RIIAD1: variants seen among roughly 807,000 people sequenced by gnomAD.
RIIAD1 encodes the protein RIIa domain-containing protein 1.
Under a neutral mutation model 13.3 loss-of-function variants are expected in RIIAD1, and 15 were observed. The observed-to-expected ratio is 1.13, with a 90% CI of 0.76 to 1.74. The LOEUF is 1.74. Among genes scored for constraint, RIIAD1 ranks in the 40% most tolerant of loss-of-function variants. The pLI, the probability that RIIAD1 is intolerant of heterozygous loss-of-function variation, is 0.00. For synonymous variants in RIIAD1, 50 were observed against 43.3 expected, an observed-to-expected ratio of 1.16 and a Z score of -0.61; for missense variants, 121 against 112.2, an observed-to-expected ratio of 1.08 and a Z score of -0.35.
intron 2 of RIIAD1, among the ~76,000 whole-genome samples, chr1:151,712,396 G>A (rs1673100334): frequency 6.6e-6 from 1 of 152,202 alleles, no homozygotes; most frequent in African/African-American, 2.4e-5. Context: ...ACAGCCTGGG[G>A]TCCTGCCACT....
At chr1:151,723,017 T>C (rs1256221710) in intron 2 of RIIAD1, among the ~76,000 whole-genome samples, 2 of 152,240 alleles carry the variant, frequency 1.3e-5, no homozygotes, top group African/African-American at 4.8e-5. Flanking sequence ...GTTTTCCCAC[T>C]GTATTGTGCT....
At chr1:151,715,717 G>A (rs1160313022) in intron 4 of RIIAD1, 3 of 1,565,360 alleles carry the variant, frequency 1.9e-6, no homozygotes, top group South Asian at 2.3e-5. Context: ...GATCACTCTA[G>A]CTGAGTTCTT....
chr1:151,724,084 G>C (rs1673786427), intron 2 of RIIAD1, among the ~76,000 whole-genome samples: 1 of 152,232 alleles, frequency 6.6e-6, no homozygotes, highest in Non-Finnish European at 1.5e-5. Context: ...TGATGAATAA[G>C]AATGAGTTGT....
intron 1 of RIIAD1, 39 bp from the exon 2 acceptor site, chr1:151,722,047 G>C (rs1413866481): frequency 7.1e-7 from 1 of 1,411,640 alleles, no homozygotes; most frequent in African/African-American, 1.4e-5. Context: ...CCCTGAATCT[G>C]TCTCCTAATG....
At position 151,728,771 on chromosome 1, in the gene RIIAD1, T is replaced by C. The variant is rs1324679238; in HGVS notation, c.214T>C (p.Phe72Leu). 6.5e-7 allele frequency: 1 copy of C among 1,532,018 alleles called. No individual in the cohort carries two copies. The highest frequency in any genetic ancestry group is 2.5e-5 in the East Asian group (1 of 40,816). The allele number at this position is 1,532,018 out of a possible 1,614,324, so 94.9% of individuals were successfully genotyped here. A position where few individuals can be genotyped will look rare whatever the true frequency, so the allele number is the denominator to read the frequency against. The change falls in exon 4 of 5, where the codon TTC becomes CTC. Residue 72 changes from phenylalanine (F) to leucine (L), a missense_variant. By Grantham distance (22) the Phe-to-Leu change is conservative. Coordinates refer to ENST00000479191, the MANE Select transcript of RIIAD1 (RefSeq NM_001144956.3). ...DNILEFAADY[F>L]TDPRLPNKIH... The stretch of plus-strand genomic sequence containing the variant: ...CTTTTTGATTTTTATCCCAGACTAC[T>C]TCACGGATCCAAGACTTCCCAACAA...
At position 151,727,598 on chromosome 1, in the gene RIIAD1, A is replaced by G; in HGVS notation, c.185A>G (p.Asp62Gly). ...AGAGAAATATTTTTGAAAAGACCAG[A>G]CAACATCCTAGAATTTGCTGCAGGT... ...FFREIFLKRP[D>G]NILEFAADYF... Residue 62 changes from aspartate (D) to glycine (G), a missense_variant, in exon 3 of 5, where the codon GAC (aspartate) becomes GGC (glycine). By Grantham distance (94) the Asp-to-Gly change is moderately conservative. Coordinates refer to ENST00000479191, the MANE Select transcript of RIIAD1 (RefSeq NM_001144956.3). 1.9e-6 allele frequency: 3 copies of G among 1,550,582 alleles called. No individual in the cohort carries two copies. Among genetic ancestry groups the G allele is most frequent in the Non-Finnish European group, 2.6e-6 (3 of 1,146,004 alleles).
chr1:151,719,186 T>C (rs1673691771), upstream of RIIAD1, among the ~76,000 whole-genome samples: 1 of 151,932 alleles, frequency 6.6e-6, no homozygotes, highest in Non-Finnish European at 1.5e-5. Context: ...AGGAGAAGAG[T>C]TGTACCACTC....
intron 4 of RIIAD1, chr1:151,716,285 G>T (rs1673473650): frequency 2.3e-6 from 1 of 442,576 alleles, no homozygotes; most frequent in Non-Finnish European, 4.0e-6. Flanking sequence ...CCCTCCCAGA[G>T]ATCTGGCAAA....
At chr1:151,716,905 C>A (rs963209318), upstream of RIIAD1, 6 of 408,200 alleles carry the variant, frequency 1.5e-5, no homozygotes, top group African/African-American at 8.2e-5. Flanking sequence ...TGGAGAGGGA[C>A]GCACAATCCA....
chr1:151,717,536 C>T (rs898198868), upstream of RIIAD1, among the ~76,000 whole-genome samples: 1 of 152,230 alleles, frequency 6.6e-6, no homozygotes, highest in Non-Finnish European at 1.5e-5. Context: ...TCCTTGAAGA[C>T]CAGGACACCG....
chr1:151,723,202 C>CAGTTTTAGGGTTTACTTTTGTTTGTTTGG (rs1673770497), intron 2 of RIIAD1, among the ~76,000 whole-genome samples: 1 of 152,074 alleles, frequency 6.6e-6, no homozygotes, highest in African/African-American at 2.4e-5. Context: ...CGAGACCAGC[C>CAGTTTTAGGGTTTACTTTTGTTTGTTTGG]TGACCAACAT....
chr1:151,715,540 C>T, intron 4 of RIIAD1: 1 of 1,134,960 alleles, frequency 8.8e-7, no homozygotes, highest in Non-Finnish European at 1.2e-6. Context: ...ACACACACCC[C>T]TACCCAGCTG....
intron 4 of RIIAD1, 72 bp from the exon 5 acceptor site, chr1:151,729,416 G>C (rs1301577698): frequency 6.6e-6 from 1 of 151,916 alleles, no homozygotes; most frequent in African/African-American, 2.4e-5. Flanking sequence ...TTGAAAGCTG[G>C]GATTTAAAAA....
upstream of RIIAD1, among the ~76,000 whole-genome samples, chr1:151,719,430 G>C (rs1370128664): frequency 6.6e-6 from 1 of 152,122 alleles, no homozygotes; most frequent in South Asian, 2.1e-4. Flanking sequence ...TACATAAAAA[G>C]ATTATTGAAT....
At chr1:151,712,919 ATGCATGCACACACACAC>A (rs1377914120) in intron 2 of RIIAD1, among the ~76,000 whole-genome samples, 2 of 152,072 alleles carry the variant, frequency 1.3e-5, no homozygotes, top group Non-Finnish European at 2.9e-5. Flanking sequence ...ACACACACTC[ATGCATGCACACACACAC>A]TGCATGCACA....
At chr1:151,716,683 C>T, upstream of RIIAD1, 1 of 380,190 alleles carries the variant, frequency 2.6e-6, no homozygotes, top group Non-Finnish European at 5.6e-6. Flanking sequence ...CCCTCCCACC[C>T]CCACCCCAGT....
chr1:151,714,310 C>T, intron 3 of RIIAD1: 1 of 583,138 alleles, frequency 1.7e-6, no homozygotes, highest in Admixed American at 3.0e-5. Context: ...ACCAGCGAGT[C>T]CTCCCTCTAG....
intron 3 of RIIAD1, chr1:151,728,547 C>A: frequency 1.9e-6 from 1 of 521,980 alleles, no homozygotes; most frequent in South Asian, 2.5e-5. Flanking sequence ...CCTCTGGGAG[C>A]CCTTCCTGGG....
At chr1:151,719,703 C>A (rs1454039678), upstream of RIIAD1, 1 of 701,558 alleles carries the variant, frequency 1.4e-6, no homozygotes. Context: ...GACAGGCCAA[C>A]ACAATACATA....
Sources: gnomAD v4.1 joint callset for allele counts (sites outside exome capture counted in the v4.1 genomes callset) on GRCh38, gnomAD v4.1.1 for gene constraint, MANE v1.5 for transcripts, NCBI Gene and HGNC (gene_info 2026-07-23, HGNC 2026-07-21) for gene names.